GABRA3: variants seen among roughly 807,000 people sequenced by gnomAD.
GABRA3 encodes gamma-aminobutyric acid receptor subunit alpha-3.
In GABRA3, 10 loss-of-function variants were observed where a neutral mutation model predicts 30.1. The ratio of observed to expected loss-of-function variants is 0.33; its 90% CI spans 0.20 to 0.56. The LOEUF is 0.56. Among genes scored for constraint, GABRA3 ranks in the 20% least tolerant of loss-of-function variants. GABRA3 has a pLI of 0.89. For synonymous variants in GABRA3, 151 were observed against 146.8 expected (o/e 1.03, Z -0.21); for missense variants, 233 against 392.0 (o/e 0.59, Z 3.42).
intron 6 of GABRA3, among the ~76,000 whole-genome samples, chrX:152,214,063 C>T (rs1427238038): frequency 4.5e-5 from 5 of 111,129 alleles, no homozygotes; most frequent in Admixed American, 1.9e-4. Flanking sequence ...TTTTTTCAAT[C>T]TTCACCCCCT....
chrX:152,436,709 A>T (rs1347088309), intron 1 of GABRA3, among the ~76,000 whole-genome samples: 1 of 111,547 alleles, frequency 9.0e-6, no homozygotes, highest in African/African-American at 3.3e-5. Context: ...TGCCTGGAAC[A>T]TTACCTTGCT....
chrX:152,421,565 T>C (rs1208760406), intron 1 of GABRA3, among the ~76,000 whole-genome samples: 1 of 111,374 alleles, frequency 9.0e-6, no homozygotes, highest in Non-Finnish European at 1.9e-5. Context: ...TAAGAATATC[T>C]GTTCATCAAA....
chrX:152,416,138 A>G (rs922920292), intron 1 of GABRA3, among the ~76,000 whole-genome samples: 5 of 94,294 alleles, frequency 5.3e-5, no homozygotes, highest in Non-Finnish European at 1.1e-4. Flanking sequence ...GTCTCAGCCC[A>G]AAATCTCCTT....
At chrX:152,218,229 G>A (rs1231138102) in intron 6 of GABRA3, among the ~76,000 whole-genome samples, 1 of 110,076 alleles carries the variant, frequency 9.1e-6, no homozygotes, top group Non-Finnish European at 1.9e-5. Flanking sequence ...ATCATTGTCT[G>A]TTTAGGAGGG....
intron 9 of GABRA3, among the ~76,000 whole-genome samples, chrX:152,189,489 T>G: frequency 9.0e-6 from 1 of 111,563 alleles, no homozygotes; most frequent in Non-Finnish European, 1.9e-5. Context: ...TCTAGCAGCA[T>G]CACATTTAGG....
chrX:152,235,914 A>G (rs892794819), intron 5 of GABRA3, among the ~76,000 whole-genome samples: 42 of 110,613 alleles, frequency 3.8e-4, no homozygotes, highest in Admixed American at 3.5e-3. Context: ...TCTTAAGCAA[A>G]AATAACAAAT....
intron 3 of GABRA3, among the ~76,000 whole-genome samples, chrX:152,298,156 A>G (rs1320270718): frequency 2.7e-5 from 3 of 112,170 alleles, no homozygotes; most frequent in Admixed American, 1.9e-4. Flanking sequence ...TAGAAAAACC[A>G]CTAATATAGG....
intron 3 of GABRA3, among the ~76,000 whole-genome samples, chrX:152,318,796 C>T (rs1413262447): frequency 8.9e-6 from 1 of 111,753 alleles, no homozygotes; most frequent in Non-Finnish European, 1.9e-5. Flanking sequence ...CAAAATCCAG[C>T]ATCCCTTTCT....
intron 6 of GABRA3, among the ~76,000 whole-genome samples, chrX:152,220,588 T>C (rs1937813922): frequency 9.0e-6 from 1 of 111,525 alleles, no homozygotes; most frequent in Non-Finnish European, 1.9e-5. Context: ...AGATGCAAAG[T>C]TGTATGATAT....
chrX:152,265,277 T>A (rs1008932514), intron 4 of GABRA3, among the ~76,000 whole-genome samples: 53 of 111,220 alleles, frequency 4.8e-4, no homozygotes, highest in African/African-American at 1.7e-3. Context: ...ATTAAAAAAA[T>A]TTGAAATAAT....
chrX:152,370,804 C>T (rs1023316098), intron 1 of GABRA3, among the ~76,000 whole-genome samples: 1 of 110,886 alleles, frequency 9.0e-6, no homozygotes, highest in East Asian at 2.9e-4. Flanking sequence ...ATATTTCCAA[C>T]ATTTTTCATC....
At chrX:152,272,338 T>C (rs1330871524) in intron 4 of GABRA3, among the ~76,000 whole-genome samples, 1 of 112,279 alleles carries the variant, frequency 8.9e-6, no homozygotes. Context: ...AGGAGATCAT[T>C]TTGGAACTTG....
intron 3 of GABRA3, among the ~76,000 whole-genome samples, chrX:152,323,156 G>C (rs893335129): frequency 9.0e-6 from 1 of 111,298 alleles, no homozygotes; most frequent in Non-Finnish European, 1.9e-5. Flanking sequence ...CAGCCTCAAA[G>C]TCAACTCTTA....
chrX:152,261,308 C>T (rs753952441), intron 4 of GABRA3, among the ~76,000 whole-genome samples: 1 of 111,584 alleles, frequency 9.0e-6, no homozygotes, highest in Non-Finnish European at 1.9e-5. Context: ...TTTAAAAGTA[C>T]AATCATGTCC....
chrX:152,375,689 A>C lies in GABRA3; in HGVS notation c.-26-11093T>G, dbSNP rs367696594. Reference sequence around the variant, plus strand: ...ATCCACAAACAATCTGTTTTGTCTTAGACTGATGAAAGCAGCTGAAGAAAA... The same window carrying C: ...ATCCACAAACAATCTGTTTTGTCTTCGACTGATGAAAGCAGCTGAAGAAAA... On this transcript the variant is annotated intron_variant, in intron 1 of 9. Coordinates refer to ENST00000370314, the MANE Select transcript of GABRA3 (RefSeq NM_000808.4). Among the ~76,000 whole-genome samples, 3 of 112,436 alleles carry C rather than the reference A, an allele frequency of 2.7e-5. No individual in the cohort carries two copies. The South Asian group carries it at 1.1e-3, about 41-fold the overall frequency.
chrX:152,395,291 A>G (rs1019459519), intron 1 of GABRA3, among the ~76,000 whole-genome samples: 3 of 111,653 alleles, frequency 2.7e-5, no homozygotes, highest in Admixed American at 9.6e-5. Context: ...GAAAATACCC[A>G]TTCTGCAGGA....
At chrX:152,179,403 T>C (rs746446160) in intron 9 of GABRA3, among the ~76,000 whole-genome samples, 1 of 110,891 alleles carries the variant, frequency 9.0e-6, no homozygotes, top group Non-Finnish European at 1.9e-5. Flanking sequence ...CTTATTCTTC[T>C]CTAAGTAAAA....
chrX:152,283,979 T>G (rs1344008913), intron 4 of GABRA3, among the ~76,000 whole-genome samples: 1 of 111,667 alleles, frequency 9.0e-6, no homozygotes, highest in Non-Finnish European at 1.9e-5. Flanking sequence ...GAATATTTGA[T>G]ACTCAGTATA....
At chrX:152,174,803 C>T (rs1490093896) in intron 9 of GABRA3, among the ~76,000 whole-genome samples, 3 of 111,758 alleles carry the variant, frequency 2.7e-5, no homozygotes, top group African/African-American at 9.8e-5. Context: ...TAATTAGATC[C>T]CATTTTTCAA....
Sources: allele counts gnomAD v4.1 joint callset (sites outside exome capture counted in the v4.1 genomes callset), GRCh38; gene constraint gnomAD v4.1.1; transcripts MANE v1.5; gene names NCBI Gene and HGNC (gene_info 2026-07-23, HGNC 2026-07-21).